CYB5R2: variants seen among roughly 807,000 people sequenced by gnomAD.
The protein encoded by CYB5R2 is NADH-cytochrome b5 reductase 2.
In CYB5R2, 35 loss-of-function variants were observed where a neutral mutation model predicts 29.8. The ratio of observed to expected loss-of-function variants is 1.17; its 90% CI spans 0.90 to 1.56. The LOEUF is 1.56. Ranked by LOEUF, CYB5R2 falls within the 40% of genes most tolerant of loss-of-function variation. CYB5R2 has a pLI of 0.00. For synonymous variants in CYB5R2, 169 were observed against 130.6 expected (o/e 1.29, Z -2.01); for missense variants, 419 against 346.7 (o/e 1.21, Z -1.66).
Position 7,665,423 on chromosome 11 carries a change from G to C in CYB5R2, c.782C>G (p.Pro261Arg), listed in dbSNP as rs1855054886. Reference protein sequence around the residue: ...PPPLIQTAAHPNLEKLGYTQD... With the variant: ...PPPLIQTAAHRNLEKLGYTQD... ...GGTATAACCCAGCTTCTCCAGGTTA[G>C]GGTGAGCCGCCGTCTGGATTAGTGG... The change falls in exon 9 of 9, where the codon CCT becomes CGT. Residue 261 changes from proline to arginine, a missense_variant. Coordinates refer to ENST00000299498, the MANE Select transcript of CYB5R2 (RefSeq NM_016229.5). 4 of 1,611,124 alleles carry C rather than the reference G, an allele frequency of 2.5e-6. No individual in the cohort carries two copies. Among genetic ancestry groups the C allele is most frequent in the African/African-American group, 2.7e-5 (2 of 74,938 alleles).
Position 7,665,114 on chromosome 11 carries a change from T to TTGAG in CYB5R2, c.*256_*259dup. On this transcript the variant is annotated 3_prime_UTR_variant, in exon 9 of 9. Coordinates refer to ENST00000299498, the MANE Select transcript of CYB5R2 (RefSeq NM_016229.5). Reference sequence around the variant, plus strand: ...ACTTCATGGGCTGTCTGCTTTGTACTTGAGTTTATTTCACAAAACCACGGA... The same window carrying TTGAG: ...ACTTCATGGGCTGTCTGCTTTGTACTTGAGTGAGTTTATTTCACAAAACCACGGA... 3.0e-6 allele frequency: 1 copy of TTGAG among 336,060 alleles called. No homozygotes were observed. The highest frequency in any genetic ancestry group is 5.4e-6 in the Non-Finnish European group (1 of 184,140). 20.8% of individuals were successfully genotyped at this position (336,060 alleles called of 1,614,324 possible). A position where few individuals can be genotyped will look rare whatever the true frequency, so the allele number is the denominator to read the frequency against.
rs928619085 is a variant in CYB5R2 at position 7,667,434 on chromosome 11, ACTGAGGACAT to A, written c.558+284_558+293del. On this transcript the variant is annotated intron_variant, in intron 7 of 8. Transcript: ENST00000299498. ...ATATTCTGTATTTTCTGAAGTGTCC[ACTGAGGACAT>A]CTGTGATTTTACACTTAGCAAAAAT... The A allele has an allele frequency of 9.8e-5, 25 of 256,152 alleles. No homozygotes were observed. In the East Asian group the frequency reaches 1.2e-3, roughly 12 times the overall value. The allele number at this position is 256,152 out of a possible 1,614,324, so 15.9% of individuals were successfully genotyped here.
intron 6 of CYB5R2, 88 bp downstream of exon 6, chr11:7,668,390 A>T: frequency 9.7e-7 from 1 of 1,032,566 alleles, no homozygotes; most frequent in Non-Finnish European, 1.5e-6. Flanking sequence ...GAAATCTCTC[A>T]TGTTGTCCCT....
intron 3 of CYB5R2, chr11:7,672,178 T>C (rs1268019334): frequency 7.1e-6 from 3 of 423,914 alleles, no homozygotes; most frequent in Non-Finnish European, 1.3e-5. Flanking sequence ...GCAAGGAGCC[T>C]TCCATGAGAT....
chr11:7,673,481 C>T lies in CYB5R2; in HGVS notation c.-129G>A. 4.1e-6 allele frequency: 4 copies of T among 986,482 alleles called. No individual in the cohort carries two copies. The highest frequency in any genetic ancestry group is 4.8e-6 in the Non-Finnish European group (4 of 830,730). The allele number at this position is 986,482 out of a possible 1,614,324, so 61.1% of individuals were successfully genotyped here. A position where few individuals can be genotyped will look rare whatever the true frequency, so the allele number is the denominator to read the frequency against. ...CGACAGGGAAAGTTGCCTCTCCTCC[C>T]GCCGGGTCACTGGAGTCTCAGCCTT... On this transcript the variant is annotated 5_prime_UTR_variant, in exon 1 of 9. Coordinates refer to ENST00000299498, the MANE Select transcript of CYB5R2 (RefSeq NM_016229.5).
intron 7 of CYB5R2, chr11:7,666,775 G>A (rs1855281672): frequency 2.3e-6 from 1 of 429,388 alleles, no homozygotes; most frequent in Non-Finnish European, 4.3e-6. Context: ...TCCATGGGAT[G>A]TAGGTTCCCA....
intron 5 of CYB5R2, 45 bp downstream of exon 5, chr11:7,669,160 A>C (rs1855558893): frequency 5.0e-6 from 8 of 1,612,760 alleles, no homozygotes; most frequent in African/African-American, 1.3e-5. Context: ...CCATTGCAGG[A>C]ATCTTCCTCC....
chr11:7,672,381 G>A, intron 3 of CYB5R2, 70 bp downstream of exon 3: 2 of 1,386,368 alleles, frequency 1.4e-6, no homozygotes, highest in Non-Finnish European at 2.0e-6. Flanking sequence ...GGAAACCTGT[G>A]TTTCTGTTAA....
intron 1 of CYB5R2, 160 bp downstream of exon 1, chr11:7,673,259 G>T: frequency 1.7e-6 from 1 of 592,982 alleles, no homozygotes; most frequent in Non-Finnish European, 2.3e-6. Context: ...AATCCGGAAT[G>T]AGGGGCCCAG....
At chr11:7,667,882 A>G (rs552899655) in intron 6 of CYB5R2, 69 bp from the exon 7 acceptor site, 12 of 1,266,958 alleles carry the variant, frequency 9.5e-6, no homozygotes, top group African/African-American at 5.9e-5. Context: ...GACCTGCAGC[A>G]AGCTTCATAC....
upstream of CYB5R2, chr11:7,673,825 G>A (rs939355652): frequency 2.0e-6 from 2 of 987,502 alleles, no homozygotes; most frequent in African/African-American, 3.5e-5. Context: ...CCTGGCCGAC[G>A]GGGAACCGGC....
chr11:7,667,832 G>C lies in CYB5R2; in HGVS notation c.473-19C>G, dbSNP rs762004341. 1.9e-6 allele frequency: 3 copies of C among 1,608,516 alleles called. No individual in the cohort carries two copies. Among genetic ancestry groups the C allele is most frequent in the Non-Finnish European group, 1.7e-6 (2 of 1,174,842 alleles). ...GTGATGCCTGGAACACAGTGAGCGAGCAGCCAGCTTTCTCCCTGTCTCTGA... is the reference window on the plus strand; with the variant it reads ...GTGATGCCTGGAACACAGTGAGCGACCAGCCAGCTTTCTCCCTGTCTCTGA... On this transcript the variant is annotated intron_variant, in intron 6 of 8. Coordinates refer to ENST00000299498, the MANE Select transcript of CYB5R2 (RefSeq NM_016229.5).
rs367743285 is a variant in CYB5R2 at position 7,672,830 on chromosome 11, T to A, written c.-5A>T. ...CTCTCTCCTCCTGGAGTTCATGCTC[T>A]TCAGGACCAACACGAGCACAGTGAC... On this transcript the variant is annotated 5_prime_UTR_variant, in exon 2 of 9. It adds an upstream start codon to the 5' untranslated region. Transcript: ENST00000299498. 16 of 1,613,994 alleles carry A rather than the reference T, an allele frequency of 9.9e-6. No homozygotes were observed. In the African/African-American group the frequency reaches 1.9e-4, roughly 19 times the overall value.
In CYB5R2 at chr11:7,672,528, TAAAAC is replaced by T. The variant is rs990265937; in HGVS notation, c.79-10_79-6del. ...CCGGGTGTTGTGGCTGATTTTCTGATAAAACAAAACATAGGCAGGTTCTGTCAGCT... is the reference window on the plus strand; with the variant it reads ...CCGGGTGTTGTGGCTGATTTTCTGATAAAACATAGGCAGGTTCTGTCAGCT... On this transcript the variant is annotated splice_polypyrimidine_tract_variant and splice_region_variant and intron_variant, in intron 2 of 8. Coordinates refer to ENST00000299498, the MANE Select transcript of CYB5R2 (RefSeq NM_016229.5). The T allele has an allele frequency of 8.7e-6, 14 of 1,613,892 alleles. No individual in the cohort carries two copies. Among genetic ancestry groups the T allele is most frequent in the Admixed American group, 3.3e-5 (2 of 59,992 alleles).
chr11:7,669,555 GCC>G, intron 4 of CYB5R2, 68 bp downstream of exon 4: 1 of 1,327,738 alleles, frequency 7.5e-7, no homozygotes, highest in Non-Finnish European at 1.0e-6. Flanking sequence ...AAAAAGCACT[GCC>G]CCTCCACCCC....
chr11:7,673,293 C>T (rs1419844206), intron 1 of CYB5R2, 126 bp downstream of exon 1: 4 of 867,218 alleles, frequency 4.6e-6, no homozygotes, highest in Non-Finnish European at 2.9e-6. Flanking sequence ...AACTAGGGTG[C>T]GTAGCTCTAA....
intron 6 of CYB5R2, 125 bp downstream of exon 6, chr11:7,668,353 T>G (rs1855478845): frequency 1.2e-6 from 1 of 803,246 alleles, no homozygotes; most frequent in East Asian, 2.4e-5. Context: ...CACTGGTTCA[T>G]CGTTCCCACC....
intron 8 of CYB5R2, chr11:7,665,990 G>T: frequency 7.4e-7 from 1 of 1,344,050 alleles, no homozygotes; most frequent in Non-Finnish European, 1.0e-6. Context: ...CGCGCCTGTG[G>T]GGTGCTCTGT....
chr11:7,673,848 A>G (rs1855920989), upstream of CYB5R2: 4 of 987,570 alleles, frequency 4.1e-6, no homozygotes, highest in Admixed American at 2.4e-4. Flanking sequence ...AGACCCGGAC[A>G]CGCACGCCCG....
Sources: allele counts gnomAD v4.1 joint callset, GRCh38; gene constraint gnomAD v4.1.1; transcripts MANE v1.5; gene names NCBI Gene and HGNC (gene_info 2026-07-23, HGNC 2026-07-21).